The following SH3RF1 variants were observed in gnomAD, a reference collection of about 807,000 sequenced individuals.
SH3RF1 encodes E3 ubiquitin-protein ligase SH3RF1.
Under a neutral mutation model 74.0 loss-of-function variants are expected in SH3RF1, and 32 were observed. The ratio of observed to expected loss-of-function variants is 0.43; its 90% CI spans 0.33 to 0.58. The LOEUF is 0.58. Ranked by LOEUF, SH3RF1 falls within the 20% of genes least tolerant of loss-of-function variation. The probability of loss-of-function intolerance (pLI) is 0.05; values close to 1 mark genes in which losing one functional copy is unlikely to be tolerated. For missense variants in SH3RF1, 954 were observed against 1,130.9 expected (o/e 0.84, Z 2.24); for synonymous variants, 396 against 439.6 (o/e 0.90, Z 1.24).
intron 2 of SH3RF1, among the ~76,000 whole-genome samples, chr4:169,199,380 C>T (rs1021723414): frequency 2.0e-5 from 3 of 152,300 alleles, no homozygotes; most frequent in East Asian, 1.9e-4. Context: ...TCTACACAGA[C>T]GTTCAAAGAC....
At chr4:169,201,416 A>T (rs956120681) in intron 2 of SH3RF1, among the ~76,000 whole-genome samples, 2 of 152,218 alleles carry the variant, frequency 1.3e-5, no homozygotes, top group Non-Finnish European at 2.9e-5. Flanking sequence ...AACTAAAAAC[A>T]CATAGGCACA....
At chr4:169,101,417 G>A (rs1364003116) in intron 11 of SH3RF1, among the ~76,000 whole-genome samples, 3 of 151,994 alleles carry the variant, frequency 2.0e-5, no homozygotes, top group South Asian at 2.1e-4. Flanking sequence ...AGTCACTTAC[G>A]GGGAGAGAAA....
chr4:169,231,589 T>A (rs553298212), intron 2 of SH3RF1, among the ~76,000 whole-genome samples: 1 of 152,072 alleles, frequency 6.6e-6, no homozygotes, highest in Admixed American at 6.5e-5. Context: ...TTTTTTTTAA[T>A]AAATAAATAA....
At chr4:169,206,995 G>T (rs554589496) in intron 2 of SH3RF1, among the ~76,000 whole-genome samples, 2 of 151,538 alleles carry the variant, frequency 1.3e-5, no homozygotes, top group Non-Finnish European at 2.9e-5. Context: ...GGTTTCACTC[G>T]TCACCCAGGC....
intron 4 of SH3RF1, among the ~76,000 whole-genome samples, chr4:169,146,682 A>G (rs1456768266): frequency 1.3e-5 from 2 of 152,168 alleles, no homozygotes; most frequent in Admixed American, 6.5e-5. Context: ...GGAGTAAGAA[A>G]GCAGAGGCAG....
intron 2 of SH3RF1, among the ~76,000 whole-genome samples, chr4:169,249,540 A>C (rs1424423185): frequency 1.3e-5 from 2 of 152,238 alleles, no homozygotes; most frequent in Non-Finnish European, 2.9e-5. Context: ...GCAGAAATGG[A>C]CTAAGACACT....
intron 2 of SH3RF1, among the ~76,000 whole-genome samples, chr4:169,162,918 C>T (rs777218014): frequency 2.0e-5 from 3 of 152,108 alleles, no homozygotes; most frequent in Non-Finnish European, 4.4e-5. Flanking sequence ...GCCCTGCTCA[C>T]GCTCATCTGT....
At chr4:169,270,672 G>A (rs1384426417) in intron 1 of SH3RF1, 187 bp downstream of exon 1, 1 of 152,256 alleles carries the variant, frequency 6.6e-6, no homozygotes, top group Non-Finnish European at 1.5e-5. Flanking sequence ...GCCCGGAGAA[G>A]GCAGAGGCCG....
intron 2 of SH3RF1, among the ~76,000 whole-genome samples, chr4:169,191,633 G>A (rs1430108522): frequency 6.6e-6 from 1 of 152,086 alleles, no homozygotes; most frequent in East Asian, 1.9e-4. Context: ...CACATTACCT[G>A]ACTTCAAACT....
intron 2 of SH3RF1, among the ~76,000 whole-genome samples, chr4:169,237,903 AC>A (rs1444015946): frequency 6.6e-6 from 1 of 152,024 alleles, no homozygotes; most frequent in Non-Finnish European, 1.5e-5. Flanking sequence ...AAATCTGATC[AC>A]CCTTGATATA....
chr4:169,172,420 G>A (rs1042140840), intron 2 of SH3RF1, among the ~76,000 whole-genome samples: 6 of 152,116 alleles, frequency 3.9e-5, no homozygotes, highest in African/African-American at 1.4e-4. Flanking sequence ...CCTTTATCAT[G>A]TAACATGAGA....
chr4:169,235,925 C>A (rs1028242730), intron 2 of SH3RF1, among the ~76,000 whole-genome samples: 2 of 152,220 alleles, frequency 1.3e-5, no homozygotes, highest in African/African-American at 4.8e-5. Flanking sequence ...AGGTGATCCA[C>A]CCACCTCAGC....
chr4:169,160,774 C>T (rs951107234), intron 2 of SH3RF1, among the ~76,000 whole-genome samples: 1 of 152,180 alleles, frequency 6.6e-6, no homozygotes, highest in Non-Finnish European at 1.5e-5. Context: ...AAGACTTATT[C>T]CCACACAGAC....
Position 169,182,740 on chromosome 4 carries a change from A to T in SH3RF1, c.394-26061T>A, listed in dbSNP as rs528504129. Among the ~76,000 whole-genome samples, 264 of 152,282 alleles carry T rather than the reference A, an allele frequency of 1.7e-3. No homozygotes were observed. The Middle Eastern group carries it at 0.027, about 16-fold the overall frequency. On this transcript the variant is annotated intron_variant, in intron 2 of 11. Coordinates refer to ENST00000284637, the MANE Select transcript of SH3RF1 (RefSeq NM_020870.4). Reference sequence around the variant, plus strand: ...AAACTTACAGGAGGCAAAGTGTTCAAGTGTAAAGAACGATACACTGACTAT... The same window carrying T: ...AAACTTACAGGAGGCAAAGTGTTCATGTGTAAAGAACGATACACTGACTAT...
chr4:169,206,442 G>A (rs1356213568), intron 2 of SH3RF1, among the ~76,000 whole-genome samples: 1 of 152,226 alleles, frequency 6.6e-6, no homozygotes, highest in Non-Finnish European at 1.5e-5. Context: ...GGAAGCCAAG[G>A]TGGGAGGATG....
At chr4:169,227,324 G>A (rs888194041) in intron 2 of SH3RF1, among the ~76,000 whole-genome samples, 1 of 152,116 alleles carries the variant, frequency 6.6e-6, no homozygotes, top group Non-Finnish European at 1.5e-5. Flanking sequence ...AATGGCAAAT[G>A]AAAAACAACT....
rs751667338 is a variant in SH3RF1, at chr4:169,124,773, A to G, written c.1180-2507T>C. Reference sequence around the variant, plus strand: ...TAGGAAATTTTGTGGGTTGCTTTATAAACAACCTAAACCAAAATAATCTGG... The same window carrying G: ...TAGGAAATTTTGTGGGTTGCTTTATGAACAACCTAAACCAAAATAATCTGG... On this transcript the variant is annotated intron_variant, in intron 6 of 11. Transcript: ENST00000284637. 6.6e-5 allele frequency among the ~76,000 whole-genome samples: 10 copies of G among 152,382 alleles called. No homozygotes were observed. In the South Asian group the frequency reaches 2.1e-3, roughly 32 times the overall value.
At chr4:169,121,572 A>G (rs1472972705) in intron 7 of SH3RF1, among the ~76,000 whole-genome samples, 1 of 152,234 alleles carries the variant, frequency 6.6e-6, no homozygotes, top group Non-Finnish European at 1.5e-5. Flanking sequence ...GACTGTGCCC[A>G]CGAACACATG....
At chr4:169,159,376 A>G (rs1184684778) in intron 2 of SH3RF1, among the ~76,000 whole-genome samples, 1 of 151,912 alleles carries the variant, frequency 6.6e-6, no homozygotes, top group Non-Finnish European at 1.5e-5. Context: ...AGCAATCGAC[A>G]GAGAGAGAGA....
Sources: gnomAD v4.1 joint callset for allele counts (sites outside exome capture counted in the v4.1 genomes callset) on GRCh38, gnomAD v4.1.1 for gene constraint, MANE v1.5 for transcripts, NCBI Gene and HGNC (gene_info 2026-07-23, HGNC 2026-07-21) for gene names.